The following B4GALT2 variants were observed in gnomAD, a reference collection of about 807,000 sequenced individuals.
B4GALT2 encodes the protein N-acetyllactosamine synthase.
In B4GALT2, 18 loss-of-function variants were observed where a neutral mutation model predicts 33.2. The ratio of observed to expected loss-of-function variants is 0.54; its 90% CI spans 0.38 to 0.80. The LOEUF is 0.80. B4GALT2 is among the 30% of genes least tolerant of loss of function. The pLI is 0.00. For synonymous variants in B4GALT2, 214 were observed against 217.6 expected (o/e 0.98, Z 0.15); for missense variants, 404 against 526.2 (o/e 0.77, Z 2.27).
At chr1:43,985,812 T>A in intron 6 of B4GALT2, 191 bp downstream of exon 6, 1 of 615,714 alleles carries the variant, frequency 1.6e-6, no homozygotes, top group South Asian at 1.9e-5. Context: ...CTGGCACCCC[T>A]GATCGTTGTC....
At chr1:43,988,721 C>T (rs2085688188) in intron 6 of B4GALT2, among the ~76,000 whole-genome samples, 1 of 151,780 alleles carries the variant, frequency 6.6e-6, no homozygotes, top group African/African-American at 2.4e-5. Flanking sequence ...GTGGTGTGCA[C>T]CTGTAGTCTC....
In B4GALT2 at chr1:43,990,420, G is replaced by A. The variant is rs199591624; in HGVS notation, c.1091G>A (p.Arg364Gln). 17 of 1,614,088 alleles carry A rather than the reference G, an allele frequency of 1.1e-5. No individual in the cohort carries two copies. Among genetic ancestry groups the A allele is most frequent in the Admixed American group, 1.0e-4 (6 of 60,026 alleles). ...ACCAATATCACAGTGGACATTGGGCGGCCTCCGTCGTGGCCCCCTCGGGGC... is the reference window on the plus strand; with the variant it reads ...ACCAATATCACAGTGGACATTGGGCAGCCTCCGTCGTGGCCCCCTCGGGGC... ...LFTNITVDIG[R>Q]PPSWPPRG The change falls in exon 7 of 7, where the codon CGG becomes CAG. Residue 364 changes from arginine (R) to glutamine (Q), a missense_variant. Physicochemically the swap from Arg to Gln is conservative, Grantham distance 43 (BLOSUM62 1). Coordinates refer to ENST00000372324, the MANE Select transcript of B4GALT2 (RefSeq NM_003780.5).
At chr1:43,990,157 C>A in intron 6 of B4GALT2, 141 bp from the exon 7 acceptor site, 1 of 1,059,386 alleles carries the variant, frequency 9.4e-7, no homozygotes, top group Non-Finnish European at 1.4e-6. Context: ...CCCTTCCCAT[C>A]ATAGCTGGAA....
chr1:43,979,738 C>T lies in B4GALT2; in HGVS notation c.-53+227C>T. On this transcript the variant is annotated intron_variant, in intron 1 of 6. Coordinates refer to ENST00000372324, the MANE Select transcript of B4GALT2 (RefSeq NM_003780.5). This position sits in a 1 kb window ranked among gnomAD's most constrained non-coding sequence, Gnocchi z 4.8. ...GCCTCCCTCATTGTCCTCGCTCGCC[C>T]CGGCCTCGTGGCGCGGGGAGGCGTT... The T allele has an allele frequency of 5.0e-6, 2 of 396,798 alleles. No individual in the cohort carries two copies. Among genetic ancestry groups the T allele is most frequent in the Non-Finnish European group, 9.2e-6 (2 of 217,470 alleles). 24.6% of individuals were successfully genotyped at this position (396,798 alleles called of 1,614,324 possible).
chr1:43,988,801 C>T (rs1220048558), intron 6 of B4GALT2, among the ~76,000 whole-genome samples: 5 of 145,906 alleles, frequency 3.4e-5, no homozygotes, highest in Admixed American at 6.9e-5. Context: ...GAGCCGAGAC[C>T]GCGCCACTAT....
rs373628559 is a variant in B4GALT2 at position 43,985,008 on chromosome 1, C to T, written c.693C>T (p.Gly231=). Residue 231 remains glycine, a synonymous_variant, in exon 4 of 7, where the codon GGC becomes GGT. Coordinates refer to ENST00000372324, the MANE Select transcript of B4GALT2 (RefSeq NM_003780.5). ...ATGACCGCAACCTATACCGCTGCGG[C>T]GACCAACCCCGCCACTTTGCCATTG... ...PMDDRNLYRC[G]DQPRHFAIAM... is the part of the protein sequence containing the mutation. The T allele has an allele frequency of 1.4e-4, 225 of 1,611,442 alleles. No homozygotes were observed. The highest frequency in any genetic ancestry group is 2.2e-4 in the East Asian group (10 of 44,880).
intron 1 of B4GALT2, chr1:43,980,279 C>T: frequency 2.2e-6 from 1 of 455,896 alleles, no homozygotes; most frequent in Non-Finnish European, 3.7e-6. Flanking sequence ...CAGTGCTGTG[C>T]CCATCTCCAG....
rs71036648 is a variant in B4GALT2, at chr1:43,988,846, CAAAAAA to C, written c.969-1436_969-1431del. ...TAGGCAACAGAGCAAGACTCTGTCT[CAAAAAA>C]AAAAAAAAAAAAAAAGTCTGAGCTG... On this transcript the variant is annotated intron_variant, in intron 6 of 6. Coordinates refer to ENST00000372324, the MANE Select transcript of B4GALT2 (RefSeq NM_003780.5). 6.2e-3 allele frequency among the ~76,000 whole-genome samples: 587 copies of C among 95,302 alleles called. 5 individuals are homozygous for C. Among genetic ancestry groups the C allele is most frequent in the African/African-American group, 0.025 (559 of 22,502 alleles). 62.5% of individuals were successfully genotyped at this position (95,302 alleles called of 152,430 possible).
rs1172299396 is a variant in B4GALT2, at chr1:43,990,896, G to A, written c.*448G>A. 1.7e-5 allele frequency: 3 copies of A among 175,540 alleles called. 1 individual carries two copies. Among genetic ancestry groups the A allele is most frequent in the Non-Finnish European group, 3.7e-5 (3 of 80,620 alleles). The allele number at this position is 175,540 out of a possible 1,614,324, so 10.9% of individuals were successfully genotyped here. ...CTCTTGGGAACCCCCTTGCTCCCAGGGGAGGGGAAACCTTTTTCATTCAAC... is the reference window on the plus strand; with the variant it reads ...CTCTTGGGAACCCCCTTGCTCCCAGAGGAGGGGAAACCTTTTTCATTCAAC... On this transcript the variant is annotated 3_prime_UTR_variant, in exon 7 of 7. Coordinates refer to ENST00000372324, the MANE Select transcript of B4GALT2 (RefSeq NM_003780.5).
intron 6 of B4GALT2, among the ~76,000 whole-genome samples, chr1:43,987,506 T>C (rs1338922998): frequency 6.6e-6 from 1 of 152,158 alleles, no homozygotes; most frequent in Non-Finnish European, 1.5e-5. Context: ...TGGATTCTTC[T>C]TTTCCTCACC....
In B4GALT2 at chr1:43,981,870, A is replaced by G. The variant is rs1384706926; in HGVS notation, c.495A>G (p.Leu165=). The G allele has an allele frequency of 1.2e-6, 2 of 1,613,888 alleles. No individual in the cohort carries two copies. Among genetic ancestry groups the G allele is most frequent in the Non-Finnish European group, 1.7e-6 (2 of 1,179,994 alleles). The part of the protein sequence containing the change: ...EHHLRYWLHY[L]HPILRRQRLR... The stretch of plus-strand genomic sequence containing the variant: ...ACCTGCGCTACTGGCTCCACTATCT[A>G]CACCCCATCTTGAGGCGGCAGCGGC... The change falls in exon 3 of 7, where the codon CTA becomes CTG. Residue 165 remains leucine (L), a synonymous_variant. Coordinates refer to ENST00000372324, the MANE Select transcript of B4GALT2 (RefSeq NM_003780.5). The surrounding 1 kb of genome is among the most constrained non-coding windows in gnomAD (Gnocchi z 8.1).
rs2085597845 is a variant in B4GALT2, at chr1:43,981,628, G to T, written c.314-61G>T. On this transcript the variant is annotated intron_variant, in intron 2 of 6. Coordinates refer to ENST00000372324, the MANE Select transcript of B4GALT2 (RefSeq NM_003780.5). This position sits in a 1 kb window ranked among gnomAD's most constrained non-coding sequence, Gnocchi z 8.1. ...CCTAGCCCACCCCCAGGCTGAGGGT[G>T]GGGGCTGGTATCTGTGGATTCTGGC... 2.6e-6 allele frequency: 4 copies of T among 1,551,596 alleles called. No individual in the cohort carries two copies. The highest frequency in any genetic ancestry group is 1.7e-4 in the Middle Eastern group (1 of 5,746).
Position 43,990,553 on chromosome 1 carries a change from C to A in B4GALT2, c.*105C>A. On this transcript the variant is annotated 3_prime_UTR_variant, in exon 7 of 7. Coordinates refer to ENST00000372324, the MANE Select transcript of B4GALT2 (RefSeq NM_003780.5). ...GAGGACCTCCAGGACTGAGACTGGGCTCTGTTTTCCAAGGGTCTTCACTAG... is the reference window on the plus strand; with the variant it reads ...GAGGACCTCCAGGACTGAGACTGGGATCTGTTTTCCAAGGGTCTTCACTAG... 6.7e-7 allele frequency: 1 copy of A among 1,486,240 alleles called. No homozygotes were observed. Among genetic ancestry groups the A allele is most frequent in the Non-Finnish European group, 9.2e-7 (1 of 1,088,284 alleles). 92.1% of individuals were successfully genotyped at this position (1,486,240 alleles called of 1,614,324 possible).
chr1:43,981,948 C>T lies in B4GALT2; in HGVS notation c.549+24C>T. On this transcript the variant is annotated intron_variant, in intron 3 of 6. Transcript: ENST00000372324. This position sits in a 1 kb window ranked among gnomAD's most constrained non-coding sequence, Gnocchi z 8.1. Reference sequence around the variant, plus strand: ...AGGTGCCCATGCGGGGGTCCATGTGCCTGTTGGTGTATATATGTGGGTTGG... The same window carrying T: ...AGGTGCCCATGCGGGGGTCCATGTGTCTGTTGGTGTATATATGTGGGTTGG... 1.2e-6 allele frequency: 2 copies of T among 1,608,786 alleles called. No individual in the cohort carries two copies. Among genetic ancestry groups the T allele is most frequent in the Non-Finnish European group, 8.5e-7 (1 of 1,176,270 alleles).
In B4GALT2 at chr1:43,984,543, CCT is replaced by C. The variant is rs1274812874; in HGVS notation, c.550-321_550-320del. ...GTGTGGTCAGGGGAGCCGCTCCAGC[CCT>C]GAGTGTGACAAGCACAGGTACTGCT... is the stretch of plus-strand genomic sequence containing the variant. On this transcript the variant is annotated intron_variant, in intron 3 of 6. Coordinates refer to ENST00000372324, the MANE Select transcript of B4GALT2 (RefSeq NM_003780.5). The surrounding 1 kb of genome is among the most constrained non-coding windows in gnomAD (Gnocchi z 5.6). Among the ~76,000 whole-genome samples, 1 of 152,188 alleles carries C rather than the reference CCT, an allele frequency of 6.6e-6. No homozygotes were observed. Among genetic ancestry groups the C allele is most frequent in the African/African-American group, 2.4e-5 (1 of 41,438 alleles).
In B4GALT2 at chr1:43,982,564, G is replaced by T. The variant is rs2085612651; in HGVS notation, c.549+640G>T. The stretch of plus-strand genomic sequence containing the variant: ...GCGGGATGAGCAGGCATCAGGGGCT[G>T]CAGAAGCCAGCATTCTAGGCAGAGG... On this transcript the variant is annotated intron_variant, in intron 3 of 6. Transcript: ENST00000372324. The surrounding 1 kb of genome is among the most constrained non-coding windows in gnomAD (Gnocchi z 4.3). Among the ~76,000 whole-genome samples the T allele has an allele frequency of 6.6e-6, 1 of 152,228 alleles. No homozygotes were observed.
Position 43,979,957 on chromosome 1 carries a change from G to T in B4GALT2, c.-53+446G>T. 1 of 1,526,188 alleles carries T rather than the reference G, an allele frequency of 6.6e-7. No individual in the cohort carries two copies. Among genetic ancestry groups the T allele is most frequent in the South Asian group, 1.2e-5 (1 of 83,690 alleles). 94.5% of individuals were successfully genotyped at this position (1,526,188 alleles called of 1,614,324 possible). ...ACCCAGAACCCCTGCGCCGGAGGGA[G>T]GGTGGGAATGTCTGCACGTGGGTCT... On this transcript the variant is annotated intron_variant, in intron 1 of 6. Coordinates refer to ENST00000372324, the MANE Select transcript of B4GALT2 (RefSeq NM_003780.5). The surrounding 1 kb of genome is among the most constrained non-coding windows in gnomAD (Gnocchi z 4.8).
intron 1 of B4GALT2, chr1:43,980,605 C>T: frequency 1.0e-6 from 1 of 996,942 alleles, no homozygotes; most frequent in Non-Finnish European, 1.2e-6. Flanking sequence ...GTATAAAGTG[C>T]TCCTGCATGG....
intron 6 of B4GALT2, among the ~76,000 whole-genome samples, chr1:43,988,315 A>G (rs1464979077): frequency 1.3e-5 from 2 of 148,718 alleles, no homozygotes. Flanking sequence ...GCTCGAGACC[A>G]GCCTGGCCGA....
Sources: allele counts gnomAD v4.1 joint callset (sites outside exome capture counted in the v4.1 genomes callset), GRCh38; gene constraint gnomAD v4.1.1; non-coding constraint Gnocchi (gnomAD v3.1); transcripts MANE v1.5; gene names NCBI Gene and HGNC (gene_info 2026-07-23, HGNC 2026-07-21).